LIMA1: variants seen among roughly 807,000 people sequenced by gnomAD.
LIMA1 encodes LIM domain and actin binding 1.
A neutral mutation model predicts 62.6 loss-of-function variants in LIMA1; 52 were observed. The observed-to-expected ratio is 0.83, with a 90% confidence interval of 0.67 to 1.05. The LOEUF is 1.05. Ranked by LOEUF, LIMA1 falls within the 50% of genes least tolerant of loss-of-function variation. The pLI is 0.00. For synonymous variants in LIMA1, 302 were observed against 317.8 expected, an observed-to-expected ratio of 0.95 and a Z score of 0.53; for missense variants, 780 against 902.2, an observed-to-expected ratio of 0.86 and a Z score of 1.74.
intron 2 of LIMA1, among the ~76,000 whole-genome samples, chr12:50,242,334 A>G (rs1463217110): frequency 6.6e-6 from 1 of 151,736 alleles, no homozygotes; most frequent in Non-Finnish European, 1.5e-5. Context: ...AAGAATAGTC[A>G]CAGAAAACTA....
Position 50,177,909 on chromosome 12 carries a change from C to T in LIMA1, c.1435G>A (p.Ala479Thr), listed in dbSNP as rs1440405852. ...GTCTCCCTTGCATTTGCAAGCTGGG[C>T]TGGTCTCTCCAAAATCTCTTCGTTT... ...NENEEILERP[A>T]QLANARETPH... The change falls in exon 11 of 11, where the codon GCC (alanine) becomes ACC (threonine). Residue 479 changes from alanine (A) to threonine (T), a missense_variant. By Grantham distance (58) the Ala-to-Thr change is moderately conservative (BLOSUM62 0). Coordinates refer to ENST00000341247, the MANE Select transcript of LIMA1 (RefSeq NM_016357.5). The T allele has an allele frequency of 1.2e-6, 2 of 1,614,072 alleles. No homozygotes were observed. The highest frequency in any genetic ancestry group is 1.1e-5 in the South Asian group (1 of 91,062).
intron 8 of LIMA1, 75 bp from the exon 9 acceptor site, chr12:50,192,636 A>G: frequency 9.6e-7 from 1 of 1,036,980 alleles, no homozygotes; most frequent in Non-Finnish European, 1.5e-6. Flanking sequence ...CCGAAAAGCA[A>G]AGTTTGGGCA....
intron 1 of LIMA1, among the ~76,000 whole-genome samples, chr12:50,249,218 G>T (rs561172223): frequency 2.0e-5 from 3 of 152,324 alleles, no homozygotes; most frequent in Non-Finnish European, 2.9e-5. Context: ...GCCACTCAGT[G>T]CCAGGGAGAG....
intron 6 of LIMA1, among the ~76,000 whole-genome samples, chr12:50,202,644 A>G (rs1268743699): frequency 6.6e-6 from 1 of 152,204 alleles, no homozygotes; most frequent in Non-Finnish European, 1.5e-5. Context: ...CTCTTCTTAA[A>G]ACATAAAGTT....
intron 7 of LIMA1, among the ~76,000 whole-genome samples, chr12:50,197,799 ATTTC>A (rs752734527): frequency 4.0e-5 from 5 of 124,398 alleles, no homozygotes; most frequent in East Asian, 2.6e-4. Context: ...TTCTCTTAAA[ATTTC>A]TTTCTTTCTT....
intron 9 of LIMA1, among the ~76,000 whole-genome samples, chr12:50,192,237 A>G (rs991419272): frequency 1.3e-5 from 2 of 152,118 alleles, no homozygotes; most frequent in Admixed American, 6.6e-5. Context: ...TCAAACTGAG[A>G]GTCATTAGTG....
Position 50,222,329 on chromosome 12 carries a change from C to G in LIMA1, c.322G>C (p.Val108Leu). The G allele has an allele frequency of 5.6e-6, 9 of 1,614,172 alleles. No homozygotes were observed. Among genetic ancestry groups the G allele is most frequent in the Non-Finnish European group, 7.6e-6 (9 of 1,180,032 alleles). Residue 108 changes from valine (V) to leucine (L), a missense_variant, in exon 4 of 11, where the codon GTG becomes CTG. Coordinates refer to ENST00000341247, the MANE Select transcript of LIMA1 (RefSeq NM_016357.5). The stretch of plus-strand genomic sequence containing the variant: ...GCTCCAGAAGCAGCGTGGCTTGTCA[C>G]TTCAGCAGGAGGATGGTCTGCTCTG... Reference protein sequence around the residue: ...RHRADHPPAEVTSHAASGAKA... With the variant: ...RHRADHPPAELTSHAASGAKA...
At chr12:50,269,144 T>C (rs11169345) in intron 1 of LIMA1, among the ~76,000 whole-genome samples, 48,830 of 152,056 alleles carry the variant, frequency 0.32, 8,125 homozygotes, top group South Asian at 0.48. Context: ...ATTGCTAAAA[T>C]AAGTACTTAA....
chr12:50,281,666 C>T (rs1486506360), intron 1 of LIMA1, among the ~76,000 whole-genome samples: 1 of 152,164 alleles, frequency 6.6e-6, no homozygotes, highest in Admixed American at 6.5e-5. Flanking sequence ...GCCACATTAA[C>T]AACAGGGTCT....
At chr12:50,275,030 G>A (rs1352359907) in intron 1 of LIMA1, among the ~76,000 whole-genome samples, 1 of 152,120 alleles carries the variant, frequency 6.6e-6, no homozygotes, top group Non-Finnish European at 1.5e-5. Context: ...ATATAAAAGT[G>A]TGTTTGCAAG....
In LIMA1 at chr12:50,178,546, GA is replaced by G. The variant is rs1023623195; in HGVS notation, c.1275-478del. Among the ~76,000 whole-genome samples, 11 of 144,978 alleles carry G rather than the reference GA, an allele frequency of 7.6e-5. No individual in the cohort carries two copies. The East Asian group carries it at 1.2e-3, about 16-fold the overall frequency. ...AGACTGTCTTAAAAAAAAAAAAAAA[GA>G]AAAAAAAACCAACAGTAATAGAAAC... On this transcript the variant is annotated intron_variant, in intron 10 of 10. Transcript: ENST00000341247.
intron 8 of LIMA1, among the ~76,000 whole-genome samples, chr12:50,193,555 CATAT>C (rs1229366180): frequency 9.2e-6 from 1 of 108,372 alleles, no homozygotes; most frequent in Non-Finnish European, 1.7e-5. Flanking sequence ...ACATATATAT[CATAT>C]ATGTATATAT....
Position 50,192,458 on chromosome 12 carries a change from T to C in LIMA1, c.1134A>G (p.Ala378=). The C allele has an allele frequency of 6.2e-7, 1 of 1,608,016 alleles. No homozygotes were observed. Among genetic ancestry groups the C allele is most frequent in the Non-Finnish European group, 8.5e-7 (1 of 1,174,388 alleles). Residue 378 remains alanine (A), a synonymous_variant, in exon 9 of 11, where the codon GCA becomes GCG. Transcript: ENST00000341247. ...AGAGAAATTGCCATCATACCTTCAT[T>C]GCTTTGGGAGGAGAACTTTCAGAAA... ...SSLSESSPPK[A]MKKFQAPARE...
At chr12:50,249,480 C>G (rs1236827753) in intron 1 of LIMA1, among the ~76,000 whole-genome samples, 1 of 152,016 alleles carries the variant, frequency 6.6e-6, no homozygotes, top group African/African-American at 2.4e-5. Context: ...ATCATTGACT[C>G]TTGTTATAAT....
intron 10 of LIMA1, among the ~76,000 whole-genome samples, chr12:50,181,656 AC>A (rs1940504558): frequency 6.6e-6 from 1 of 152,228 alleles, no homozygotes; most frequent in Non-Finnish European, 1.5e-5. Context: ...AGGGGGGTTT[AC>A]CTGCAACTCA....
intron 3 of LIMA1, among the ~76,000 whole-genome samples, chr12:50,223,168 A>G (rs188087616): frequency 4.0e-5 from 6 of 151,718 alleles, no homozygotes; most frequent in Non-Finnish European, 5.9e-5. Context: ...GCTCTTCTCT[A>G]CAAGTTTATC....
intron 6 of LIMA1, 44 bp downstream of exon 6, chr12:50,204,508 G>C: frequency 6.3e-7 from 1 of 1,586,358 alleles, no homozygotes; most frequent in Non-Finnish European, 8.6e-7. Flanking sequence ...ACCATCTGCT[G>C]GATGATGGAA....
At chr12:50,246,260 G>A (rs111840793) in intron 2 of LIMA1, among the ~76,000 whole-genome samples, 19 of 151,516 alleles carry the variant, frequency 1.3e-4, no homozygotes, top group African/African-American at 4.6e-4. Flanking sequence ...AGAAAGAGCA[G>A]GCAGCCACTG....
At chr12:50,216,849 T>C (rs1449220306) in intron 4 of LIMA1, among the ~76,000 whole-genome samples, 1 of 152,096 alleles carries the variant, frequency 6.6e-6, no homozygotes, top group East Asian at 1.9e-4. Context: ...GGCAATAGAA[T>C]GAGACTCTGT....
Sources: gnomAD v4.1 joint callset for allele counts (sites outside exome capture counted in the v4.1 genomes callset) on GRCh38, gnomAD v4.1.1 for gene constraint, MANE v1.5 for transcripts, NCBI Gene and HGNC (gene_info 2026-07-23, HGNC 2026-07-21) for gene names.